Variants in CCDC154 observed in about 807,000 individuals in gnomAD.
CCDC154 encodes coiled-coil domain containing 154, also known as coiled-coil domain-containing protein 154.
Under a neutral mutation model 87.5 loss-of-function variants are expected in CCDC154, and 91 were observed. The observed-to-expected ratio is 1.04, with a 90% CI of 0.88 to 1.24. The LOEUF (loss-of-function observed/expected upper bound fraction) is 1.24, where lower values mean the gene tolerates loss of function less well. Ranked by LOEUF, CCDC154 falls within the 50% of genes most tolerant of loss-of-function variation. The pLI is 0.00. For missense variants in CCDC154, 903 were observed against 879.2 expected (o/e 1.03, Z -0.34); for synonymous variants, 418 against 400.4 (o/e 1.04, Z -0.52).
intron 6 of CCDC154, among the ~76,000 whole-genome samples, chr16:1,440,925 C>T (rs2038546359): frequency 6.6e-6 from 1 of 150,466 alleles, no homozygotes; most frequent in African/African-American, 2.5e-5. Context: ...CACTCCAGCC[C>T]AGGCAACAGA....
In CCDC154 at chr16:1,434,497, C is replaced by T; in HGVS notation, c.1915G>A (p.Ala639Thr). The T allele has an allele frequency of 1.3e-6, 2 of 1,549,632 alleles. No homozygotes were observed. Among genetic ancestry groups the T allele is most frequent in the Non-Finnish European group, 1.7e-6 (2 of 1,146,758 alleles). ...RWKASLIKLR[A>T]LRRPGGVLEK... Reference sequence around the variant, plus strand: ...AGGACCCCTCCTGGCCTCCGCAGGGCCCTGAGCTTTATGAGGGACGCCTTC... The same window carrying T: ...AGGACCCCTCCTGGCCTCCGCAGGGTCCTGAGCTTTATGAGGGACGCCTTC... The change falls in exon 17 of 17, where the codon GCC becomes ACC. Residue 639 changes from alanine to threonine, a missense_variant. Coordinates refer to ENST00000389176, the MANE Select transcript of CCDC154 (RefSeq NM_001143980.3).
chr16:1,443,151 C>G (rs963522535), intron 4 of CCDC154, 110 bp downstream of exon 4: 7 of 1,397,304 alleles, frequency 5.0e-6, no homozygotes, highest in Non-Finnish European at 6.9e-6. Context: ...GTGTATCCCC[C>G]ACTCCAGCGA....
At position 1,437,007 on chromosome 16, in the gene CCDC154, C is replaced by T. The variant is rs1047266577; in HGVS notation, c.1291-196G>A. 3.6e-5 allele frequency: 26 copies of T among 731,876 alleles called. 1 individual carries two copies. In the South Asian group the frequency reaches 4.5e-4, roughly 13 times the overall value. 45.3% of individuals were successfully genotyped at this position (731,876 alleles called of 1,614,324 possible). On this transcript the variant is annotated intron_variant, in intron 11 of 16. Coordinates refer to ENST00000389176, the MANE Select transcript of CCDC154 (RefSeq NM_001143980.3). ...TGGAGACACACATGCCAAGGCAGGG[C>T]CTGGGCAGCCGAGGGCCCGTGGGGG...
Position 1,434,503 on chromosome 16 carries a change from G to C in CCDC154, c.1909C>G (p.Leu637Val). 2 of 1,549,202 alleles carry C rather than the reference G, an allele frequency of 1.3e-6. No homozygotes were observed. The highest frequency in any genetic ancestry group is 2.4e-5 in the South Asian group (2 of 84,022). ...WLRWKASLIK[L>V]RALRRPGGVL... is the part of the protein sequence containing the mutation. ...CCTCCTGGCCTCCGCAGGGCCCTGAGCTTTATGAGGGACGCCTTCCAGCGC... is the reference window on the plus strand; with the variant it reads ...CCTCCTGGCCTCCGCAGGGCCCTGACCTTTATGAGGGACGCCTTCCAGCGC... The change falls in exon 17 of 17, where the codon CTC becomes GTC. Residue 637 changes from leucine to valine, a missense_variant. Leu to Val is a conservative substitution (Grantham distance 32). Coordinates refer to ENST00000389176, the MANE Select transcript of CCDC154 (RefSeq NM_001143980.3).
At position 1,444,310 on chromosome 16, in the gene CCDC154, G is replaced by C; in HGVS notation, c.7+6C>G. ...TCCCTGGGCCCCGCTCCTCCGCTCT[G>C]GTCACCTGACATGGCTGCTGGGCTG... is the stretch of plus-strand genomic sequence containing the variant. On this transcript the variant is annotated splice_donor_region_variant and intron_variant, in intron 1 of 16. Transcript: ENST00000389176. The C allele has an allele frequency of 3.1e-6, 4 of 1,302,368 alleles. No homozygotes were observed. Among genetic ancestry groups the C allele is most frequent in the Non-Finnish European group, 4.0e-6 (4 of 988,854 alleles). The allele number at this position is 1,302,368 out of a possible 1,614,324, so 80.7% of individuals were successfully genotyped here.
chr16:1,440,975 C>T (rs1346485844), intron 6 of CCDC154, among the ~76,000 whole-genome samples: 2 of 149,080 alleles, frequency 1.3e-5, no homozygotes, highest in Non-Finnish European at 3.0e-5. Context: ...AAAAATTAGC[C>T]AGGCATGGTG....
At chr16:1,439,163 G>T in intron 6 of CCDC154, 37 bp from the exon 7 acceptor site, 1 of 1,521,226 alleles carries the variant, frequency 6.6e-7, no homozygotes, top group Non-Finnish European at 8.9e-7. Flanking sequence ...TGCAGCCTCT[G>T]CTGGACACGC....
chr16:1,438,642 G>A lies in CCDC154; in HGVS notation c.1002C>T (p.Val334=), dbSNP rs1376423340. The A allele has an allele frequency of 6.5e-7, 1 of 1,549,986 alleles. No individual in the cohort carries two copies. Among genetic ancestry groups the A allele is most frequent in the South Asian group, 1.2e-5 (1 of 84,064 alleles). The change falls in exon 9 of 17, where the codon GTC becomes GTT. Residue 334 remains valine (V), a synonymous_variant. Transcript: ENST00000389176. ...ACCAGGCTTTCTCCTCGGCCAGTAG[G>A]ACACGGTTCAGCGACGCCTGGTTCT... ...VQQNQASLNR[V]LLAEEKAWDA...
At position 1,436,086 on chromosome 16, in the gene CCDC154, C is replaced by G; in HGVS notation, c.1488G>C (p.Arg496Ser). Residue 496 changes from arginine to serine, a missense_variant and splice_region_variant, in exon 14 of 17, where the codon AGG becomes AGC. Coordinates refer to ENST00000389176, the MANE Select transcript of CCDC154 (RefSeq NM_001143980.3). ...GCCGCAGGGCCCCAACCTTGAACTCCCTATGGGCACCAGAGGCCGAGGCTG... is the reference window on the plus strand; with the variant it reads ...GCCGCAGGGCCCCAACCTTGAACTCGCTATGGGCACCAGAGGCCGAGGCTG... ...DLRISAEGKA[R>S]EFKVGALRQE... 1 of 1,549,572 alleles carries G rather than the reference C, an allele frequency of 6.5e-7. No homozygotes were observed. Among genetic ancestry groups the G allele is most frequent in the Non-Finnish European group, 8.7e-7 (1 of 1,146,364 alleles).
At position 1,443,677 on chromosome 16, in the gene CCDC154, G is replaced by C. The variant is rs572090430; in HGVS notation, c.243C>G (p.Ala81=). 5 of 1,292,894 alleles carry C rather than the reference G, an allele frequency of 3.9e-6. No individual in the cohort carries two copies. Among genetic ancestry groups the C allele is most frequent in the Non-Finnish European group, 5.0e-6 (5 of 997,394 alleles). 80.1% of individuals were successfully genotyped at this position (1,292,894 alleles called of 1,614,324 possible). A position where few individuals can be genotyped will look rare whatever the true frequency, so the allele number is the denominator to read the frequency against. Residue 81 remains alanine (A), a synonymous_variant, in exon 3 of 17, where the codon GCC becomes GCG. Coordinates refer to ENST00000389176, the MANE Select transcript of CCDC154 (RefSeq NM_001143980.3). ...TGTGCTCCCGCAGGCAGGCCACCTC[G>C]GCCTGCAGCTCCACCACCCTGGCCG... is the stretch of plus-strand genomic sequence containing the variant. ...QLEQWVVELQ[A]EVACLREHKQ...
chr16:1,440,050 G>A (rs1272920685), intron 6 of CCDC154, among the ~76,000 whole-genome samples: 1 of 151,642 alleles, frequency 6.6e-6, no homozygotes, highest in Non-Finnish European at 1.5e-5. Flanking sequence ...TGGAGGCTGA[G>A]GCAGGAGAAT....
At chr16:1,436,178 G>T in intron 13 of CCDC154, 92 bp from the exon 14 acceptor site, 1 of 1,109,082 alleles carries the variant, frequency 9.0e-7, no homozygotes, top group Non-Finnish European at 1.3e-6. Context: ...GCCACCACAG[G>T]GTTAAGGAGG....
Position 1,438,610 on chromosome 16 carries a change from G to C in CCDC154, c.1025+9C>G. The C allele has an allele frequency of 1.3e-6, 2 of 1,548,394 alleles. No homozygotes were observed. The highest frequency in any genetic ancestry group is 1.7e-6 in the Non-Finnish European group (2 of 1,145,426). On this transcript the variant is annotated intron_variant, in intron 9 of 16. Transcript: ENST00000389176. ...CGCCTGACAGCACCTGAGGCCCCAG[G>C]ACACCCACCAGGCTTTCTCCTCGGC...
chr16:1,438,147 C>T lies in CCDC154; in HGVS notation c.1055G>A (p.Arg352Gln), dbSNP rs763231516. ...CACATAGGCGGCCAGCTCCCCAGCCCGGCTTTCCTCCAAGCGCCCCTTGGC... is the reference window on the plus strand; with the variant it reads ...CACATAGGCGGCCAGCTCCCCAGCCTGGCTTTCCTCCAAGCGCCCCTTGGC... ...WDAKGRLEES[R>Q]AGELAAYVQE... Residue 352 changes from arginine (R) to glutamine (Q), a missense_variant, in exon 10 of 17, where the codon CGG becomes CAG. Arg to Gln is a conservative substitution (Grantham distance 43). Coordinates refer to ENST00000389176, the MANE Select transcript of CCDC154 (RefSeq NM_001143980.3). 9.4e-5 allele frequency: 145 copies of T among 1,546,414 alleles called. 1 individual carries two copies. Among genetic ancestry groups the T allele is most frequent in the Non-Finnish European group, 1.1e-4 (131 of 1,144,832 alleles).
At chr16:1,442,760 G>A in intron 5 of CCDC154, 120 bp downstream of exon 5, 1 of 1,127,810 alleles carries the variant, frequency 8.9e-7, no homozygotes, top group East Asian at 2.6e-5. Flanking sequence ...GGCACCGAGG[G>A]CGGTGCCCCG....
chr16:1,438,822 T>TG lies in CCDC154; in HGVS notation c.898dup (p.Gln300ProfsTer3). ...CCGCCCGCCCGGCCCCACCTCATGC[T>TG]GCCCCTGCAGGGCCCGCAGGCGCTC... On this transcript the variant is annotated frameshift_variant, in exon 8 of 17. Coordinates refer to ENST00000389176, the MANE Select transcript of CCDC154 (RefSeq NM_001143980.3). LOFTEE classifies it high-confidence loss of function. 1 of 1,542,902 alleles carries TG rather than the reference T, an allele frequency of 6.5e-7. No individual in the cohort carries two copies. The highest frequency in any genetic ancestry group is 8.7e-7 in the Non-Finnish European group (1 of 1,143,852).
rs541711341 is a variant in CCDC154, at chr16:1,444,203, T to C, written c.7+113A>G. 256 of 1,170,726 alleles carry C rather than the reference T, an allele frequency of 2.2e-4. No individual in the cohort carries two copies. In the African/African-American group the frequency reaches 3.6e-3, roughly 16 times the overall value. The allele number at this position is 1,170,726 out of a possible 1,614,324, so 72.5% of individuals were successfully genotyped here. A position where few individuals can be genotyped will look rare whatever the true frequency, so the allele number is the denominator to read the frequency against. On this transcript the variant is annotated intron_variant, in intron 1 of 16. Coordinates refer to ENST00000389176, the MANE Select transcript of CCDC154 (RefSeq NM_001143980.3). ...GGCCCTGCCTGAAGACACACAGCACTGGGCGGCAGGAACAAGCGAGCTGGA... is the reference window on the plus strand; with the variant it reads ...GGCCCTGCCTGAAGACACACAGCACCGGGCGGCAGGAACAAGCGAGCTGGA...
Position 1,436,201 on chromosome 16 carries a change from C to T in CCDC154, c.1488-115G>A, listed in dbSNP as rs1055989762. ...AGGGTTAAGGAGGCTCGAGGGGGCTCAGCCCTGTCACCCCTCCAGTGGGGA... is the reference window on the plus strand; with the variant it reads ...AGGGTTAAGGAGGCTCGAGGGGGCTTAGCCCTGTCACCCCTCCAGTGGGGA... On this transcript the variant is annotated intron_variant, in intron 13 of 16. Coordinates refer to ENST00000389176, the MANE Select transcript of CCDC154 (RefSeq NM_001143980.3). 9.5e-6 allele frequency: 9 copies of T among 942,544 alleles called. No homozygotes were observed. The Admixed American group carries it at 2.1e-4, about 22-fold the overall frequency. 58.4% of individuals were successfully genotyped at this position (942,544 alleles called of 1,614,324 possible).
Position 1,434,747 on chromosome 16 carries a change from T to C in CCDC154, c.1798A>G (p.Arg600Gly). 6.5e-7 allele frequency: 1 copy of C among 1,545,856 alleles called. No homozygotes were observed. The highest frequency in any genetic ancestry group is 8.7e-7 in the Non-Finnish European group (1 of 1,146,794). ...ATGTCCTTGATGAAGACCCGCGGCC[T>C]CACCAGGGATGGGAGCGCCTTCCAG... Reference protein sequence around the residue: ...GSWKALPSLVRPRVFIKDMAP... With the variant: ...GSWKALPSLVGPRVFIKDMAP... Residue 600 changes from arginine (R) to glycine (G), a missense_variant, in exon 16 of 17, where the codon AGG becomes GGG. Coordinates refer to ENST00000389176, the MANE Select transcript of CCDC154 (RefSeq NM_001143980.3).
Sources: allele counts gnomAD v4.1 joint callset (sites outside exome capture counted in the v4.1 genomes callset), GRCh38; gene constraint gnomAD v4.1.1; transcripts MANE v1.5; gene names NCBI Gene and HGNC (gene_info 2026-07-23, HGNC 2026-07-21).